The following IGSF9B variants were observed in gnomAD, a reference collection of about 807,000 sequenced individuals.
IGSF9B encodes immunoglobulin superfamily member 9B, also known as protein turtle homolog B.
Under a neutral mutation model 143.7 loss-of-function variants are expected in IGSF9B, and 48 were observed. The observed-to-expected ratio is 0.33, with a 90% CI of 0.26 to 0.42. The LOEUF (loss-of-function observed/expected upper bound fraction) is 0.42, where lower values mean the gene tolerates loss of function less well. Ranked by LOEUF, IGSF9B falls within the 20% of genes least tolerant of loss-of-function variation. IGSF9B has a pLI of 1.00. For synonymous variants in IGSF9B, 903 were observed against 833.1 expected (o/e 1.08, Z -1.44); for missense variants, 1,706 against 1,980.0 (o/e 0.86, Z 2.63).
rs1333196534 is a variant in IGSF9B at position 133,902,760 on chromosome 11, T to C, written c.*6309A>G. Among the ~76,000 whole-genome samples, 2 of 152,196 alleles carry C rather than the reference T, an allele frequency of 1.3e-5. No individual in the cohort carries two copies. The highest frequency in any genetic ancestry group is 2.1e-4 in the South Asian group (1 of 4,816). ...ACCTCTCGTTGTTCATGGGAGGCCA[T>C]ATAAAACCTCATTGATAGAGTGGCT... On this transcript the variant is annotated 3_prime_UTR_variant, in exon 20 of 20. Transcript: ENST00000533871.
rs1053271162 is a variant in IGSF9B, at chr11:133,931,980, G to A, written c.1110+91C>T. 2.0e-6 allele frequency: 3 copies of A among 1,529,662 alleles called. No homozygotes were observed. Among genetic ancestry groups the A allele is most frequent in the Non-Finnish European group, 2.6e-6 (3 of 1,133,938 alleles). The allele number at this position is 1,529,662 out of a possible 1,614,324, so 94.8% of individuals were successfully genotyped here. Reference sequence around the variant, plus strand: ...TGCCCAGGGCTTTTGGAAGGGGCCAGGAGTCCTGGCAGAAATCCAGAGCCC... The same window carrying A: ...TGCCCAGGGCTTTTGGAAGGGGCCAAGAGTCCTGGCAGAAATCCAGAGCCC... On this transcript the variant is annotated intron_variant, in intron 8 of 19. Transcript: ENST00000533871. The surrounding 1 kb of genome is among the most constrained non-coding windows in gnomAD (Gnocchi z 7.7).
chr11:133,919,118 C>CGGGGAGGGGGGGG (rs1939455946), intron 18 of IGSF9B: 1 of 65,186 alleles, frequency 1.5e-5, no homozygotes, highest in African/African-American at 6.3e-5. Context: ...GCGAGGTATA[C>CGGGGAGGGGGGGG]GGGGGGGGGG....
chr11:133,935,221 C>G (rs1416347192), intron 7 of IGSF9B, among the ~76,000 whole-genome samples: 1 of 152,234 alleles, frequency 6.6e-6, no homozygotes, highest in Non-Finnish European at 1.5e-5. Flanking sequence ...AAACCTAACC[C>G]TGCATGGGCC....
At chr11:133,935,835 A>G (rs2121319207) in intron 6 of IGSF9B, 73 bp from the exon 7 acceptor site, 1 of 1,551,750 alleles carries the variant, frequency 6.4e-7, no homozygotes, top group East Asian at 2.3e-5. Flanking sequence ...AGTCACCGTC[A>G]CTGCCCCAGA....
chr11:133,932,299 G>GTGGGAGAGCAGACAGACA lies in IGSF9B; in HGVS notation c.968-87_968-86insTGTCTGTCTGCTCTCCCA, dbSNP rs1939747579. ...CACAGGGACAGACAGACAGACACAG[G>GTGGGAGAGCAGACAGACA]GACAGACAGACACAGGGAAGCCAGG... On this transcript the variant is annotated intron_variant, in intron 7 of 19. Transcript: ENST00000533871. 5 of 1,406,208 alleles carry GTGGGAGAGCAGACAGACA rather than the reference G, an allele frequency of 3.6e-6. No individual in the cohort carries two copies. In the Admixed American group the frequency reaches 1.0e-4, roughly 29 times the overall value. 87.1% of individuals were successfully genotyped at this position (1,406,208 alleles called of 1,614,324 possible).
In IGSF9B at chr11:133,897,388, A is replaced by G. The variant is rs537879830; in HGVS notation, c.*11681T>C. ...CGCACACGCACACACACGCACAGGT[A>G]TGCACACATATATATGCAGGTGCGC... On this transcript the variant is annotated 3_prime_UTR_variant, in exon 20 of 20. Coordinates refer to ENST00000533871, the MANE Select transcript of IGSF9B (RefSeq NM_001277285.4). 4 of 152,238 alleles carry G rather than the reference A, an allele frequency of 2.6e-5. No individual in the cohort carries two copies. Among genetic ancestry groups the G allele is most frequent in the Non-Finnish European group, 2.9e-5 (2 of 68,082 alleles). 9.4% of individuals were successfully genotyped at this position (152,238 alleles called of 1,614,324 possible).
chr11:133,931,056 G>C lies in IGSF9B; in HGVS notation c.1447C>G (p.His483Asp). ...GTGGCGACACATTCCCACTCCCCGT[G>C]GTCCTCCTTACTCAGGGCACGGAAC... ...LQFRALSKED[H>D]GEWECVATNV... The change falls in exon 11 of 20, where the codon CAC becomes GAC. Residue 483 changes from histidine (H) to aspartate (D), a missense_variant. His to Asp is a moderately conservative substitution (Grantham distance 81, BLOSUM62 -1). Transcript: ENST00000533871. The surrounding 1 kb of genome is among the most constrained non-coding windows in gnomAD (Gnocchi z 7.7). The C allele has an allele frequency of 6.2e-7, 1 of 1,613,746 alleles. No individual in the cohort carries two copies. Among genetic ancestry groups the C allele is most frequent in the South Asian group, 1.1e-5 (1 of 91,076 alleles).
At chr11:133,921,592 G>A (rs902288618) in intron 17 of IGSF9B, among the ~76,000 whole-genome samples, 195 bp from the exon 18 acceptor site, 1 of 151,588 alleles carries the variant, frequency 6.6e-6, no homozygotes, top group African/African-American at 2.4e-5. Context: ...TTTTAAAGAC[G>A]GGGTCTTGCT....
Position 133,898,621 on chromosome 11 carries a change from T to A in IGSF9B, c.*10448A>T, listed in dbSNP as rs1939062826. 6.5e-6 allele frequency: 1 copy of A among 154,342 alleles called. No individual in the cohort carries two copies. 9.6% of individuals were successfully genotyped at this position (154,342 alleles called of 1,614,324 possible). A position where few individuals can be genotyped will look rare whatever the true frequency, so the allele number is the denominator to read the frequency against. ...CACACCTGGCAGTTAGGAAATTAAA[T>A]CTGAATGGGAGGTCAAGACCTTCTG... On this transcript the variant is annotated 3_prime_UTR_variant, in exon 20 of 20. Coordinates refer to ENST00000533871, the MANE Select transcript of IGSF9B (RefSeq NM_001277285.4).
intron 3 of IGSF9B, among the ~76,000 whole-genome samples, chr11:133,940,280 AAC>A (rs775877567): frequency 4.2e-5 from 3 of 70,740 alleles, no homozygotes; most frequent in African/African-American, 6.2e-5. Context: ...CGCACGCAGA[AAC>A]ACACCTCGCA....
chr11:133,948,577 G>A lies in IGSF9B; in HGVS notation c.65-2319C>T, dbSNP rs186986507. Among the ~76,000 whole-genome samples the A allele has an allele frequency of 2.1e-4, 32 of 151,814 alleles. No individual in the cohort carries two copies. In the East Asian group the frequency reaches 6.1e-3, roughly 29 times the overall value. On this transcript the variant is annotated intron_variant, in intron 1 of 19. Transcript: ENST00000533871. The surrounding 1 kb of genome is among the most constrained non-coding windows in gnomAD (Gnocchi z 4.7). ...CACAAAGGCGGATGCTGGACCAAGA[G>A]GAATGGGTGAATAATGGGTGCCATG... is the stretch of plus-strand genomic sequence containing the variant.
At position 133,902,439 on chromosome 11, in the gene IGSF9B, C is replaced by T. The variant is rs1447068219; in HGVS notation, c.*6630G>A. Among the ~76,000 whole-genome samples the T allele has an allele frequency of 6.8e-6, 1 of 146,110 alleles. No homozygotes were observed. The highest frequency in any genetic ancestry group is 2.5e-5 in the African/African-American group (1 of 39,456). ...CACAATACACACACCACACCACACA[C>T]ACCACCCAGACACACCACACACAGA... On this transcript the variant is annotated 3_prime_UTR_variant, in exon 20 of 20. Coordinates refer to ENST00000533871, the MANE Select transcript of IGSF9B (RefSeq NM_001277285.4).
At position 133,931,464 on chromosome 11, in the gene IGSF9B, T is replaced by G; in HGVS notation, c.1357A>C (p.Thr453Pro). ...AAAGDPFPVI[T>P]WRKVGKPSRS... The stretch of plus-strand genomic sequence containing the variant: ...CAGGGCCCAGGTACCTTTCTCCAAG[T>G]GATGACAGGAAAGGGGTCCCCTGCG... Residue 453 changes from threonine to proline, a missense_variant, in exon 10 of 20, where the codon ACT (threonine) becomes CCT (proline). By Grantham distance (38) the Thr-to-Pro change is conservative. Around this residue, in one of 7 missense-constraint regions of IGSF9B, gnomAD observed 238 missense variants for 452.6 expected, o/e 0.53. Coordinates refer to ENST00000533871, the MANE Select transcript of IGSF9B (RefSeq NM_001277285.4). This position sits in a 1 kb window ranked among gnomAD's most constrained non-coding sequence, Gnocchi z 7.7. 1 of 1,611,030 alleles carries G rather than the reference T, an allele frequency of 6.2e-7. No individual in the cohort carries two copies. The highest frequency in any genetic ancestry group is 8.5e-7 in the Non-Finnish European group (1 of 1,178,456).
Position 133,901,829 on chromosome 11 carries a change from CAA to C in IGSF9B, c.*7238_*7239del, listed in dbSNP as rs1191166331. Among the ~76,000 whole-genome samples, 35 of 146,410 alleles carry C rather than the reference CAA, an allele frequency of 2.4e-4. No homozygotes were observed. The highest frequency in any genetic ancestry group is 7.3e-3 in the Middle Eastern group (2 of 274). ...CAACAGACACACCACACCACACACACAAACACACACACACCACACACGCACCA... is the reference window on the plus strand; with the variant it reads ...CAACAGACACACCACACCACACACACACACACACACACCACACACGCACCA... On this transcript the variant is annotated 3_prime_UTR_variant, in exon 20 of 20. Transcript: ENST00000533871.
chr11:133,911,786 C>T (rs1939305135), intron 19 of IGSF9B, 100 bp downstream of exon 19: 7 of 1,207,016 alleles, frequency 5.8e-6, no homozygotes, highest in Non-Finnish European at 7.6e-6. Context: ...GGTTGGGGCC[C>T]TGAGCCCAAT....
intron 3 of IGSF9B, among the ~76,000 whole-genome samples, chr11:133,942,451 C>T (rs934150929): frequency 2.6e-5 from 4 of 152,186 alleles, no homozygotes; most frequent in African/African-American, 9.7e-5. Flanking sequence ...AACTCCCACT[C>T]GTGCAAACTA....
rs1939854888 is a variant in IGSF9B at position 133,937,867 on chromosome 11, C to T, written c.504G>A (p.Lys168=). The T allele has an allele frequency of 6.2e-7, 1 of 1,611,588 alleles. No homozygotes were observed. The highest frequency in any genetic ancestry group is 8.5e-7 in the Non-Finnish European group (1 of 1,178,914). Reference sequence around the variant, plus strand: ...CCTCCTTGAGCCAGGTGACAATGGGCTTGGGGTTCCCAAAAGCTGTGCAGG... The same window carrying T: ...CCTCCTTGAGCCAGGTGACAATGGGTTTGGGGTTCCCAAAAGCTGTGCAGG... ...TMTCTAFGNP[K]PIVTWLKEGT... Residue 168 remains lysine (K), a synonymous_variant, in exon 4 of 20, where the codon AAG becomes AAA. Transcript: ENST00000533871.
intron 7 of IGSF9B, among the ~76,000 whole-genome samples, chr11:133,933,114 T>C (rs1036008769): frequency 6.6e-6 from 1 of 152,086 alleles, no homozygotes; most frequent in Non-Finnish European, 1.5e-5. Flanking sequence ...CTGTTCTGAG[T>C]GTCTGGAGGC....
intron 11 of IGSF9B, among the ~76,000 whole-genome samples, chr11:133,930,316 C>T (rs541393060): frequency 1.4e-4 from 22 of 152,268 alleles, no homozygotes; most frequent in African/African-American, 4.6e-4. Flanking sequence ...ACCTCTGCTT[C>T]GAGGAACCTA....
Sources: gnomAD v4.1 joint callset for allele counts (sites outside exome capture counted in the v4.1 genomes callset) on GRCh38, gnomAD v4.1.1 for gene constraint, gnomAD v4.1.1 regional missense constraint, Gnocchi (gnomAD v3.1) non-coding constraint, MANE v1.5 for transcripts, NCBI Gene and HGNC (gene_info 2026-07-23, HGNC 2026-07-21) for gene names.